The following CFAP251 variants were observed in gnomAD, a reference collection of about 807,000 sequenced individuals.
CFAP251 encodes the protein cilia and flagella associated protein 251.
In CFAP251, 93 loss-of-function variants were observed where a neutral mutation model predicts 126.7. The ratio of observed to expected loss-of-function variants is 0.73; its 90% CI spans 0.62 to 0.87. The LOEUF is 0.87. CFAP251 is among the 40% of genes least tolerant of loss of function. The probability of loss-of-function intolerance (pLI) is 0.00; values close to 1 mark genes in which losing one functional copy is unlikely to be tolerated. For synonymous variants in CFAP251, 503 were observed against 506.9 expected (o/e 0.99, Z 0.10); for missense variants, 1,287 against 1,389.2 (o/e 0.93, Z 1.17).
chr12:121,920,258 C>CG (rs1880110017), intron 1 of CFAP251, among the ~76,000 whole-genome samples: 1 of 131,346 alleles, frequency 7.6e-6, no homozygotes, highest in Non-Finnish European at 1.6e-5. Flanking sequence ...GAGAGGGTCT[C>CG]GCTCTGTTGC....
In CFAP251 at chr12:121,999,776, G is replaced by A. The variant is rs376551205; in HGVS notation, c.3067G>A (p.Asp1023Asn). 1.4e-4 allele frequency: 232 copies of A among 1,613,542 alleles called. No homozygotes were observed. The highest frequency in any genetic ancestry group is 1.8e-4 in the Non-Finnish European group (212 of 1,179,748). Residue 1023 changes from aspartate (D) to asparagine (N), a missense_variant, in exon 20 of 22, where the codon GAC (aspartate) becomes AAC (asparagine). Coordinates refer to ENST00000288912, the MANE Select transcript of CFAP251 (RefSeq NM_144668.6). ...ATATGTGGACACTGGAAAGCTAATC[G>A]ACAAGATCAACTTACCAGATTTCCT... ...GEYVDTGKLIDKINLPDFLKV... is the reference protein window; with the variant it reads ...GEYVDTGKLINKINLPDFLKV...
intron 7 of CFAP251, among the ~76,000 whole-genome samples, chr12:121,943,289 G>A (rs573890458): frequency 3.9e-5 from 6 of 152,200 alleles, no homozygotes; most frequent in South Asian, 2.1e-4. Flanking sequence ...CTCCAGCCTC[G>A]GTGACAAAGT....
intron 19 of CFAP251, among the ~76,000 whole-genome samples, chr12:121,982,612 A>G (rs1017385746): frequency 6.6e-6 from 1 of 152,058 alleles, no homozygotes; most frequent in Non-Finnish European, 1.5e-5. Flanking sequence ...TCCCGACTTC[A>G]TGTGATCCAC....
At chr12:121,968,283 C>T (rs1882218736) in intron 17 of CFAP251, 114 bp downstream of exon 17, 1 of 1,096,104 alleles carries the variant, frequency 9.1e-7, no homozygotes, top group South Asian at 2.0e-5. Flanking sequence ...TGTCACAGGG[C>T]CTGGCCTTCA....
intron 5 of CFAP251, among the ~76,000 whole-genome samples, chr12:121,940,891 A>C (rs1881084356): frequency 6.6e-6 from 1 of 152,190 alleles, no homozygotes; most frequent in African/African-American, 2.4e-5. Flanking sequence ...ATACATACAC[A>C]CGCACACACA....
At position 121,938,284 on chromosome 12, in the gene CFAP251, A is replaced by T. The variant is rs181660930; in HGVS notation, c.998+3928A>T. Reference sequence around the variant, plus strand: ...GGCCTCCCGAAGTACTGGGATTACAACTGTAAGCCACTGTGCCCAGCCTCA... The same window carrying T: ...GGCCTCCCGAAGTACTGGGATTACATCTGTAAGCCACTGTGCCCAGCCTCA... On this transcript the variant is annotated intron_variant, in intron 5 of 21. Coordinates refer to ENST00000288912, the MANE Select transcript of CFAP251 (RefSeq NM_144668.6). 7.3e-5 allele frequency among the ~76,000 whole-genome samples: 11 copies of T among 150,960 alleles called. No individual in the cohort carries two copies. In the East Asian group the frequency reaches 2.2e-3, roughly 30 times the overall value.
chr12:122,001,446 AT>A (rs774654825), intron 20 of CFAP251, 50 bp from the exon 21 acceptor site: 3 of 1,390,740 alleles, frequency 2.2e-6, no homozygotes, highest in Admixed American at 1.7e-5. Flanking sequence ...CCCTGACAGT[AT>A]GCTTAGCCTC....
Position 121,958,437 on chromosome 12 carries a change from G to C in CFAP251, c.1896G>C (p.Val632=). 6.2e-7 allele frequency: 1 copy of C among 1,614,242 alleles called. No homozygotes were observed. The highest frequency in any genetic ancestry group is 8.5e-7 in the Non-Finnish European group (1 of 1,180,030). Residue 632 remains valine, a synonymous_variant, in exon 12 of 22, where the codon GTG becomes GTC. Coordinates refer to ENST00000288912, the MANE Select transcript of CFAP251 (RefSeq NM_144668.6). ...AIGSICGMIK[V]WNYENKQYLF... ...GGAGCATCTGTGGGATGATCAAAGT[G>C]TGGAATTATGAAAACAAACAATATC...
chr12:121,977,491 T>C (rs1882488937), intron 19 of CFAP251, among the ~76,000 whole-genome samples: 1 of 152,054 alleles, frequency 6.6e-6, no homozygotes, highest in Non-Finnish European at 1.5e-5. Context: ...AAGCCCTGTC[T>C]CTACTAAAAA....
intron 19 of CFAP251, among the ~76,000 whole-genome samples, chr12:121,981,605 C>T (rs753248922): frequency 6.6e-6 from 1 of 152,234 alleles, no homozygotes; most frequent in African/African-American, 2.4e-5. Context: ...GGTGCCCCTT[C>T]CTCAGCCAGG....
At chr12:121,976,765 C>T (rs185067144) in intron 19 of CFAP251, among the ~76,000 whole-genome samples, 1 of 151,910 alleles carries the variant, frequency 6.6e-6, no homozygotes, top group Non-Finnish European at 1.5e-5. Flanking sequence ...AAAAAATTGC[C>T]CGGTGTGGTG....
chr12:122,003,695 T>C lies in CFAP251; in HGVS notation c.3381T>C (p.Thr1127=), dbSNP rs200110768. The change falls in exon 22 of 22, where the codon ACT becomes ACC. Residue 1127 remains threonine (T), a synonymous_variant. Transcript: ENST00000288912. The part of the protein sequence containing the change: ...CLEEELPDEI[T]AEIFATEILG... ...AAGAAGAACTTCCAGACGAAATCAC[T>C]GCAGAAATATTCGCGACTGAAATTC... 16 of 1,610,836 alleles carry C rather than the reference T, an allele frequency of 9.9e-6. No individual in the cohort carries two copies. The Admixed American group carries it at 1.9e-4, about 19-fold the overall frequency.
At chr12:121,979,734 T>A (rs1882572343) in intron 19 of CFAP251, among the ~76,000 whole-genome samples, 2 of 151,792 alleles carry the variant, frequency 1.3e-5, no homozygotes, top group African/African-American at 4.8e-5. Context: ...CTGGCTAATT[T>A]TTGTATTTTT....
In CFAP251 at chr12:121,921,606, C is replaced by T. The variant is rs146108048; in HGVS notation, c.301C>T (p.Gln101Ter). ...ACAGGAAGAAACCACAGTAGAGCCC[C>T]AAGAAGTCACAGCGTCCATGATCCG... ...GIQEETTVEP[Q>*]EVTASMIRLE... The change falls in exon 2 of 22, where the codon CAA (glutamine) becomes TAA (stop). Residue 101 changes from glutamine to a stop codon, truncating the protein, a stop_gained. Transcript: ENST00000288912. LOFTEE classifies it high-confidence loss of function. 1.9e-6 allele frequency: 3 copies of T among 1,614,054 alleles called. No homozygotes were observed. In the African/African-American group the frequency reaches 4.0e-5, roughly 22 times the overall value.
chr12:121,942,717 T>C, intron 6 of CFAP251, 72 bp downstream of exon 6: 1 of 1,331,448 alleles, frequency 7.5e-7, no homozygotes, highest in Non-Finnish European at 1.1e-6. Context: ...CATGGGCAGC[T>C]CTGTTCAGGC....
rs372455453 is a variant in CFAP251, at chr12:121,963,870, G to A, written c.2492+1708G>A. On this transcript the variant is annotated intron_variant, in intron 15 of 21. Transcript: ENST00000288912. ...CGCTGTGGGGCCTCGACACAGCCCT[G>A]GCTTTGGGATCTTACCTGGTCAGCC... Among the ~76,000 whole-genome samples the A allele has an allele frequency of 2.0e-5, 3 of 151,782 alleles. No individual in the cohort carries two copies. In the East Asian group the frequency reaches 5.8e-4, roughly 29 times the overall value.
At chr12:121,945,542 A>G (rs1881289554) in intron 7 of CFAP251, among the ~76,000 whole-genome samples, 1 of 149,326 alleles carries the variant, frequency 6.7e-6, no homozygotes, top group South Asian at 2.1e-4. Flanking sequence ...ATGGGGTTTC[A>G]CCATGTTAGC....
Position 122,001,549 on chromosome 12 carries a change from C to A in CFAP251, c.3288C>A (p.Gly1096=). The A allele has an allele frequency of 6.2e-7, 1 of 1,614,114 alleles. No homozygotes were observed. The highest frequency in any genetic ancestry group is 8.5e-7 in the Non-Finnish European group (1 of 1,180,020). The change falls in exon 21 of 22, where the codon GGC becomes GGA. Residue 1096 remains glycine, a synonymous_variant. Coordinates refer to ENST00000288912, the MANE Select transcript of CFAP251 (RefSeq NM_144668.6). ...TGGATTGCTTTGCTTCACTGTTTGG[C>A]CTGAATCCCGAGGGATGGAAATCCG... ...EMLDCFASLF[G]LNPEGWKSEP...
chr12:121,978,350 T>C lies in CFAP251; in HGVS notation c.3006+2665T>C, dbSNP rs531708363. On this transcript the variant is annotated intron_variant, in intron 19 of 21. Transcript: ENST00000288912. ...CGGAGCTTACAGTGAGCCGAGATCG[T>C]GCCACTGCACTCCAGCCTGGGCGAC... 1.5e-3 allele frequency among the ~76,000 whole-genome samples: 173 copies of C among 117,328 alleles called. 1 individual carries two copies. Among genetic ancestry groups the C allele is most frequent in the Middle Eastern group, 0.014 (2 of 138 alleles). The allele number at this position is 117,328 out of a possible 152,430, so 77.0% of individuals were successfully genotyped here. A position where few individuals can be genotyped will look rare whatever the true frequency, so the allele number is the denominator to read the frequency against.
Sources: allele counts gnomAD v4.1 joint callset (sites outside exome capture counted in the v4.1 genomes callset), GRCh38; gene constraint gnomAD v4.1.1; transcripts MANE v1.5; gene names NCBI Gene and HGNC (gene_info 2026-07-23, HGNC 2026-07-21).